Variants in VAV3 observed in about 807,000 individuals in gnomAD.
VAV3 encodes guanine nucleotide exchange factor VAV3.
Under a neutral mutation model 131.2 loss-of-function variants are expected in VAV3, and 94 were observed. The ratio of observed to expected loss-of-function variants is 0.72; its 90% CI spans 0.61 to 0.85. The LOEUF is 0.85. Ranked by LOEUF, VAV3 falls within the 40% of genes least tolerant of loss-of-function variation. The probability of loss-of-function intolerance (pLI) is 0.00; values close to 1 mark genes in which losing one functional copy is unlikely to be tolerated. For synonymous variants in VAV3, 349 were observed against 342.0 expected (o/e 1.02, Z -0.22); for missense variants, 939 against 1,002.7 (o/e 0.94, Z 0.86).
At chr1:107,960,487 G>GAAAAT (rs1239090775) in intron 1 of VAV3, among the ~76,000 whole-genome samples, 22 of 151,514 alleles carry the variant, frequency 1.5e-4, no homozygotes, top group Non-Finnish European at 7.4e-5. Context: ...GAAAAGAAAA[G>GAAAAT]AAAGGTAAAT....
intron 1 of VAV3, among the ~76,000 whole-genome samples, chr1:107,881,391 A>G (rs1341549334): frequency 6.6e-6 from 1 of 152,210 alleles, no homozygotes; most frequent in Non-Finnish European, 1.5e-5. Context: ...CTGGAAGGAT[A>G]GCAGGGCATT....
intron 8 of VAV3, among the ~76,000 whole-genome samples, chr1:107,766,208 A>C (rs550343623): frequency 3.9e-5 from 6 of 152,258 alleles, no homozygotes; most frequent in Non-Finnish European, 8.8e-5. Flanking sequence ...TTTGCGATGC[A>C]AAAAAATAAG....
chr1:107,865,863 A>G (rs1466362), intron 2 of VAV3, among the ~76,000 whole-genome samples: 47,131 of 152,032 alleles, frequency 0.31, 7,512 homozygotes, highest in African/African-American at 0.35. Context: ...CTGTTGCACT[A>G]AAGTGTTAAC....
At chr1:107,578,252 A>G (rs928503035) in intron 25 of VAV3, among the ~76,000 whole-genome samples, 3 of 152,234 alleles carry the variant, frequency 2.0e-5, no homozygotes, top group Non-Finnish European at 4.4e-5. Flanking sequence ...CCTACCATGA[A>G]GTATACTCTT....
At chr1:107,855,779 G>A (rs1332300483) in intron 2 of VAV3, among the ~76,000 whole-genome samples, 1 of 152,106 alleles carries the variant, frequency 6.6e-6, no homozygotes. Context: ...AGCAGCCAGG[G>A]GGAATAAAAG....
At chr1:107,940,142 T>C (rs1203128100) in intron 1 of VAV3, among the ~76,000 whole-genome samples, 2 of 152,176 alleles carry the variant, frequency 1.3e-5, no homozygotes, top group African/African-American at 2.4e-5. Context: ...CTGGGTAGAA[T>C]TGTAGAGGTT....
At chr1:107,707,217 A>G (rs906703147) in intron 15 of VAV3, among the ~76,000 whole-genome samples, 1 of 152,210 alleles carries the variant, frequency 6.6e-6, no homozygotes, top group African/African-American at 2.4e-5. Flanking sequence ...AAAATCTAGA[A>G]TCAAACACTA....
chr1:107,903,772 C>T (rs1311424485), intron 1 of VAV3, among the ~76,000 whole-genome samples: 2 of 152,136 alleles, frequency 1.3e-5, no homozygotes, highest in African/African-American at 4.8e-5. Context: ...ATGGCTAAAA[C>T]TAAATTTATA....
chr1:107,645,127 G>A (rs1338968365), intron 19 of VAV3, among the ~76,000 whole-genome samples: 5 of 151,880 alleles, frequency 3.3e-5, no homozygotes, highest in Non-Finnish European at 7.4e-5. Flanking sequence ...ACTACTATAG[G>A]TATGTTGCTG....
chr1:107,889,585 GT>G (rs1671218473), intron 1 of VAV3, among the ~76,000 whole-genome samples: 1 of 152,026 alleles, frequency 6.6e-6, no homozygotes, highest in Non-Finnish European at 1.5e-5. Context: ...TATTATGGCT[GT>G]TTAAAAATCA....
At chr1:107,735,536 T>A (rs1314565081) in intron 15 of VAV3, among the ~76,000 whole-genome samples, 1 of 151,924 alleles carries the variant, frequency 6.6e-6, no homozygotes, top group Non-Finnish European at 1.5e-5. Flanking sequence ...TCACCACCGA[T>A]CCCACAGAAA....
intron 24 of VAV3, among the ~76,000 whole-genome samples, chr1:107,599,335 G>A (rs1651655385): frequency 6.6e-6 from 1 of 152,172 alleles, no homozygotes; most frequent in African/African-American, 2.4e-5. Flanking sequence ...ATCCACCCCT[G>A]CCTTAACAGT....
chr1:107,607,157 T>C lies in VAV3; in HGVS notation c.2015+2774A>G, dbSNP rs184076206. Among the ~76,000 whole-genome samples, 5 of 152,042 alleles carry C rather than the reference T, an allele frequency of 3.3e-5. No individual in the cohort carries two copies. The East Asian group carries it at 9.7e-4, about 30-fold the overall frequency. The stretch of plus-strand genomic sequence containing the variant: ...TTTTAGTAGAGATGGGGTTTCACTA[T>C]GTTCCAGGCTGGTCTTGAACTCCTG... On this transcript the variant is annotated intron_variant, in intron 22 of 26. Coordinates refer to ENST00000370056, the MANE Select transcript of VAV3 (RefSeq NM_006113.5).
intron 25 of VAV3, among the ~76,000 whole-genome samples, chr1:107,589,077 A>G (rs1472932357): frequency 6.6e-6 from 1 of 152,228 alleles, no homozygotes; most frequent in Non-Finnish European, 1.5e-5. Context: ...GTAATAATGT[A>G]AAGTCCTCTT....
chr1:107,870,003 C>CCGT (rs1670181664), intron 2 of VAV3, among the ~76,000 whole-genome samples: 1 of 152,126 alleles, frequency 6.6e-6, no homozygotes, highest in South Asian at 2.1e-4. Flanking sequence ...GAGTAGTATT[C>CCGT]CGTCATATAT....
intron 19 of VAV3, among the ~76,000 whole-genome samples, chr1:107,679,053 T>A (rs1333531927): frequency 6.6e-6 from 1 of 152,144 alleles, no homozygotes; most frequent in Non-Finnish European, 1.5e-5. Flanking sequence ...TTAATGACAA[T>A]CCTGTGCTTA....
At chr1:107,590,756 T>A (rs561898726) in intron 25 of VAV3, among the ~76,000 whole-genome samples, 3 of 152,242 alleles carry the variant, frequency 2.0e-5, no homozygotes, top group South Asian at 4.1e-4. Context: ...CTTTATCCAA[T>A]CAACTCAACC....
intron 22 of VAV3, among the ~76,000 whole-genome samples, chr1:107,604,429 G>C (rs1652108946): frequency 6.6e-6 from 1 of 152,030 alleles, no homozygotes; most frequent in South Asian, 2.1e-4. Flanking sequence ...GAACTACTAG[G>C]ACCTAGTATA....
intron 2 of VAV3, among the ~76,000 whole-genome samples, chr1:107,802,839 T>A (rs915827853): frequency 6.6e-6 from 1 of 151,998 alleles, no homozygotes; most frequent in Non-Finnish European, 1.5e-5. Context: ...ATTAGGGTGA[T>A]GTTAGCTTTG....
Sources: gnomAD v4.1 joint callset for allele counts (sites outside exome capture counted in the v4.1 genomes callset) on GRCh38, gnomAD v4.1.1 for gene constraint, MANE v1.5 for transcripts, NCBI Gene and HGNC (gene_info 2026-07-23, HGNC 2026-07-21) for gene names.